The following PREP variants were observed in gnomAD, a reference collection of about 807,000 sequenced individuals.
PREP encodes the protein prolyl endopeptidase.
In PREP, 29 loss-of-function variants were observed where a neutral mutation model predicts 87.6. The observed-to-expected ratio is 0.33, with a 90% CI of 0.25 to 0.45. The LOEUF is 0.45. Among genes scored for constraint, PREP ranks in the 20% least tolerant of loss-of-function variants. PREP has a pLI of 1.00. For missense variants in PREP, 695 were observed against 886.5 expected (o/e 0.78, Z 2.74); for synonymous variants, 337 against 328.6 (o/e 1.03, Z -0.28).
intron 10 of PREP, among the ~76,000 whole-genome samples, chr6:105,297,732 T>A (rs1770438184): frequency 1.3e-5 from 2 of 152,212 alleles, no homozygotes; most frequent in Non-Finnish European, 2.9e-5. Flanking sequence ...GCTCATCATG[T>A]GAGGCACACA....
chr6:105,388,651 T>C (rs1196516764), intron 2 of PREP, among the ~76,000 whole-genome samples: 1 of 152,194 alleles, frequency 6.6e-6, no homozygotes, highest in African/African-American at 2.4e-5. Context: ...CAAACTGTAA[T>C]AAAGCTAAAC....
chr6:105,274,522 T>G lies in PREP; in HGVS notation c.*3622A>C, dbSNP rs1769897039. Among the ~76,000 whole-genome samples the G allele has an allele frequency of 6.6e-6, 1 of 152,112 alleles. No individual in the cohort carries two copies. The highest frequency in any genetic ancestry group is 1.5e-5 in the Non-Finnish European group (1 of 68,006). On this transcript the variant is annotated 3_prime_UTR_variant, in exon 15 of 15. Transcript: ENST00000652536. ...GGCTCATGCCTGTAATCCCAGCATT[T>G]TGGGAGGCTGAGGTGGGTGGATCAC...
At chr6:105,355,022 T>C (rs993665684) in intron 6 of PREP, among the ~76,000 whole-genome samples, 8 of 151,824 alleles carry the variant, frequency 5.3e-5, no homozygotes, top group Non-Finnish European at 8.8e-5. Context: ...ATGTAGTATA[T>C]TATGATAAAT....
chr6:105,391,853 AT>A (rs1773158460), intron 2 of PREP, among the ~76,000 whole-genome samples: 1 of 152,186 alleles, frequency 6.6e-6, no homozygotes, highest in South Asian at 2.1e-4. Context: ...CCAGAGGGAA[AT>A]TTAGAAAGGT....
chr6:105,393,821 G>C (rs1306069389), intron 2 of PREP, among the ~76,000 whole-genome samples: 1 of 151,974 alleles, frequency 6.6e-6, no homozygotes, highest in African/African-American at 2.4e-5. Flanking sequence ...TTAAATACTA[G>C]ATTAAATCGA....
chr6:105,376,484 C>A (rs1416913872), intron 3 of PREP, among the ~76,000 whole-genome samples: 4 of 152,156 alleles, frequency 2.6e-5, no homozygotes, highest in Non-Finnish European at 5.9e-5. Flanking sequence ...TGTAATCCTG[C>A]ACATTAGCCG....
intron 1 of PREP, among the ~76,000 whole-genome samples, chr6:105,399,017 G>A (rs759109562): frequency 7.9e-5 from 12 of 151,954 alleles, no homozygotes; most frequent in Non-Finnish European, 1.2e-4. Flanking sequence ...TAAGGCAGGG[G>A]AGTCTCCTGA....
intron 6 of PREP, among the ~76,000 whole-genome samples, chr6:105,355,017 G>C (rs896264864): frequency 6.6e-6 from 1 of 151,494 alleles, no homozygotes; most frequent in Non-Finnish European, 1.5e-5. Context: ...GAATTATGTA[G>C]TATATTATGA....
intron 10 of PREP, among the ~76,000 whole-genome samples, chr6:105,304,624 T>G (rs991057750): frequency 8.5e-5 from 13 of 152,154 alleles, no homozygotes; most frequent in African/African-American, 3.1e-4. Flanking sequence ...TTTGCCTCTG[T>G]ATCCAGCAAG....
intron 7 of PREP, among the ~76,000 whole-genome samples, chr6:105,344,212 T>G (rs556018257): frequency 6.6e-6 from 1 of 152,256 alleles, no homozygotes; most frequent in African/African-American, 2.4e-5. Context: ...TGAGTTCGGC[T>G]GGGCGCGGTG....
rs1242840554 is a variant in PREP at position 105,300,954 on chromosome 6, A to T, written c.1318-12060T>A. Among the ~76,000 whole-genome samples, 3 of 152,268 alleles carry T rather than the reference A, an allele frequency of 2.0e-5. No homozygotes were observed. The East Asian group carries it at 5.8e-4, about 29-fold the overall frequency. ...AAGATCAACTGTCTCTCTTGAAATT[A>T]TTATTCTCCTTGAGATGCGTACATT... is the stretch of plus-strand genomic sequence containing the variant. On this transcript the variant is annotated intron_variant, in intron 10 of 14. Coordinates refer to ENST00000652536, the MANE Select transcript of PREP (RefSeq NM_002726.5).
chr6:105,400,413 T>C (rs913744582), intron 1 of PREP, among the ~76,000 whole-genome samples: 1 of 152,176 alleles, frequency 6.6e-6, no homozygotes, highest in African/African-American at 2.4e-5. Flanking sequence ...TATCCATCTG[T>C]TGATGGTCTG....
In PREP at chr6:105,328,855, TAGA is replaced by T. The variant is rs1472980257; in HGVS notation, c.1184_1186del (p.Phe395del). The stretch of plus-strand genomic sequence containing the variant: ...TGGAGATAAAAAGGAAGTAAACTGA[TAGA>T]AGATTTCAGTGTCCTTCTTCTGACC... On this transcript the variant is annotated inframe_deletion, in exon 9 of 15. Coordinates refer to ENST00000652536, the MANE Select transcript of PREP (RefSeq NM_002726.5). 6.2e-7 allele frequency: 1 copy of T among 1,614,152 alleles called. No individual in the cohort carries two copies.
chr6:105,287,732 C>T (rs1044482187), intron 11 of PREP, among the ~76,000 whole-genome samples: 1 of 152,146 alleles, frequency 6.6e-6, no homozygotes, highest in Non-Finnish European at 1.5e-5. Flanking sequence ...ATCTGTGAAT[C>T]AGATTTCATA....
rs1173567003 is a variant in PREP at position 105,278,836 on chromosome 6, G to C, written c.1839-398C>G. 6.6e-6 allele frequency among the ~76,000 whole-genome samples: 1 copy of C among 152,124 alleles called. No homozygotes were observed. The highest frequency in any genetic ancestry group is 1.5e-5 in the Non-Finnish European group (1 of 68,028). ...AAAGTCCAAGCCTTTCTTTTGTTGA[G>C]AAACTTGAAATCCACAGTATAAAGG... On this transcript the variant is annotated intron_variant, in intron 14 of 14. Transcript: ENST00000652536. The surrounding 1 kb of genome is among the most constrained non-coding windows in gnomAD (Gnocchi z 4.2).
At chr6:105,311,047 C>T (rs530174264) in intron 10 of PREP, among the ~76,000 whole-genome samples, 21 of 152,278 alleles carry the variant, frequency 1.4e-4, no homozygotes, top group South Asian at 6.2e-4. Context: ...AGTGTGTCTT[C>T]GCAATTCTAC....
At chr6:105,315,511 G>A (rs1410457030) in intron 10 of PREP, among the ~76,000 whole-genome samples, 1 of 152,072 alleles carries the variant, frequency 6.6e-6, no homozygotes, top group Non-Finnish European at 1.5e-5. Flanking sequence ...TTTTAAGAAT[G>A]GTAAATGTGC....
At chr6:105,361,534 T>C (rs1772246315) in intron 6 of PREP, among the ~76,000 whole-genome samples, 1 of 152,180 alleles carries the variant, frequency 6.6e-6, no homozygotes, top group Non-Finnish European at 1.5e-5. Context: ...GGTATTTTCT[T>C]TTATATGTTA....
intron 10 of PREP, among the ~76,000 whole-genome samples, chr6:105,310,675 T>A (rs1405959975): frequency 6.6e-6 from 1 of 152,192 alleles, no homozygotes; most frequent in Non-Finnish European, 1.5e-5. Flanking sequence ...CCCCCCTAGA[T>A]GTGGGGCTGC....
Sources: gnomAD v4.1 joint callset for allele counts (sites outside exome capture counted in the v4.1 genomes callset) on GRCh38, gnomAD v4.1.1 for gene constraint, Gnocchi (gnomAD v3.1) non-coding constraint, MANE v1.5 for transcripts, NCBI Gene and HGNC (gene_info 2026-07-23, HGNC 2026-07-21) for gene names.